Variants in ZNF320 observed in about 807,000 individuals in gnomAD.
ZNF320 encodes the protein zinc finger gene 320.
In ZNF320, 2 loss-of-function variants were observed where a neutral mutation model predicts 6.8. The ratio of observed to expected loss-of-function variants is 0.29; its 90% CI spans 0.12 to 0.93. The LOEUF is 0.93. Ranked by LOEUF, ZNF320 falls within the 40% of genes least tolerant of loss-of-function variation. ZNF320 has a pLI of 0.55. For missense variants in ZNF320, 472 were observed against 611.0 expected (o/e 0.77, Z 2.40); for synonymous variants, 208 against 203.2 (o/e 1.02, Z -0.20).
downstream of ZNF320, among the ~76,000 whole-genome samples, chr19:52,875,822 T>C (rs185181112): frequency 6.6e-6 from 1 of 152,198 alleles, no homozygotes; most frequent in African/African-American, 2.4e-5. Flanking sequence ...TTTATACACC[T>C]GAGCAAATGA....
At chr19:52,874,493 C>A (rs2063732384), downstream of ZNF320, among the ~76,000 whole-genome samples, 1 of 152,270 alleles carries the variant, frequency 6.6e-6, no homozygotes, top group Non-Finnish European at 1.5e-5. Context: ...GGGTTTAAAT[C>A]TATGATAATA....
chr19:52,886,510 C>T (rs941294103), intron 5 of ZNF320, among the ~76,000 whole-genome samples: 1 of 152,150 alleles, frequency 6.6e-6, no homozygotes, highest in African/African-American at 2.4e-5. Context: ...TAACCTCTCC[C>T]CATATATCAA....
downstream of ZNF320, among the ~76,000 whole-genome samples, chr19:52,872,797 A>G (rs540978011): frequency 3.3e-5 from 5 of 152,206 alleles, no homozygotes; most frequent in Admixed American, 2.0e-4. Flanking sequence ...CACCGCGCCC[A>G]GCCTCTCTCA....
downstream of ZNF320, among the ~76,000 whole-genome samples, chr19:52,872,772 A>G (rs1218549773): frequency 2.6e-5 from 4 of 152,224 alleles, no homozygotes; most frequent in East Asian, 7.8e-4. Flanking sequence ...AATTGCTGGG[A>G]TTACAGGCGT....
In ZNF320 at chr19:52,866,047, TA is replaced by T. The variant is rs1568693927; in HGVS notation, c.224-1889del. Among the ~76,000 whole-genome samples the T allele has an allele frequency of 4.2e-5, 5 of 119,612 alleles. 1 individual carries two copies. The highest frequency in any genetic ancestry group is 6.9e-5 in the Non-Finnish European group (4 of 57,590). 78.5% of individuals were successfully genotyped at this position (119,612 alleles called of 152,430 possible). A position where few individuals can be genotyped will look rare whatever the true frequency, so the allele number is the denominator to read the frequency against. On this transcript the variant is annotated intron_variant, in intron 5 of 5. Coordinates refer to the ZNF320 transcript ENST00000673631. Reference sequence around the variant, plus strand: ...ATATTTATATATATGATTATACATATATATGATTATACATATATTTATATAT... The same window carrying T: ...ATATTTATATATATGATTATACATATTATGATTATACATATATTTATATAT...
intron 1 of ZNF320, among the ~76,000 whole-genome samples, chr19:52,896,430 C>T (rs942367598): frequency 9.2e-5 from 14 of 152,086 alleles, no homozygotes; most frequent in South Asian, 2.1e-4. Context: ...AGAAACAAGG[C>T]GGGCATGGTG....
chr19:52,899,651 C>T (rs149866112), upstream of ZNF320, among the ~76,000 whole-genome samples: 1,178 of 152,072 alleles, frequency 7.7e-3, 11 homozygotes, highest in African/African-American at 0.027. Flanking sequence ...TTAGTAGAGA[C>T]GGGGTTTCAC....
At chr19:52,873,933 A>G (rs886996232), downstream of ZNF320, 13 of 407,902 alleles carry the variant, frequency 3.2e-5, no homozygotes, top group African/African-American at 2.8e-4. Context: ...GACTACTACA[A>G]TACCTGGCAT....
At chr19:52,863,820 C>G (rs2063501354) in exon 6 of ZNF320, 1 of 217,446 alleles carries the variant, frequency 4.6e-6, no homozygotes, top group African/African-American at 2.4e-5. Flanking sequence ...GTATGGAGGT[C>G]AGGAGTTCGA....
chr19:52,903,088 CTG>C, the ZNF320 span, among the ~76,000 whole-genome samples: 2,426 of 152,202 alleles, frequency 0.016, 72 homozygotes, highest in African/African-American at 0.056. Flanking sequence ...TGTACATAAA[CTG>C]TTTCTTCAAT....
At chr19:52,884,459 A>G (rs2064014665) in intron 5 of ZNF320, among the ~76,000 whole-genome samples, 1 of 152,130 alleles carries the variant, frequency 6.6e-6, no homozygotes, top group Non-Finnish European at 1.5e-5. Context: ...CTGGGATTAT[A>G]GGCGCAAGTC....
Position 52,881,311 on chromosome 19 carries a change from G to T in ZNF320, c.815C>A (p.Pro272His). 1 of 1,614,098 alleles carries T rather than the reference G, an allele frequency of 6.2e-7. No individual in the cohort carries two copies. Among genetic ancestry groups the T allele is most frequent in the Non-Finnish European group, 8.5e-7 (1 of 1,180,010 alleles). Reference protein sequence around the residue: ...YHHRLHTGEKPYKCNECGKTF... With the variant: ...YHHRLHTGEKHYKCNECGKTF... The stretch of plus-strand genomic sequence containing the variant: ...CTTGCCACACTCATTACATTTGTAA[G>T]GTTTCTCTCCAGTATGCAGTCTATG... Residue 272 changes from proline to histidine, a missense_variant, in exon 6 of 6, where the codon CCT becomes CAT. Pro to His is a moderately conservative substitution (Grantham distance 77). Transcript: ENST00000682928.
At chr19:52,888,082 ATCC>A (rs753566453) in intron 5 of ZNF320, 42 bp downstream of exon 5, 2 of 1,603,236 alleles carry the variant, frequency 1.2e-6, no homozygotes, top group Non-Finnish European at 8.5e-7. Flanking sequence ...AAATACAAAG[ATCC>A]ACAAGGGCAC....
chr19:52,873,003 C>A (rs2063707114), downstream of ZNF320, among the ~76,000 whole-genome samples: 2 of 152,186 alleles, frequency 1.3e-5, no homozygotes, highest in South Asian at 4.1e-4. Flanking sequence ...CATCTCAGTG[C>A]AGTAAAGAGC....
At position 52,876,427 on chromosome 19, in the gene ZNF320, T is replaced by A. The variant is rs897505182; in HGVS notation, c.*4169A>T. The A allele has an allele frequency of 6.6e-6, 1 of 151,300 alleles. No homozygotes were observed. Among genetic ancestry groups the A allele is most frequent in the African/African-American group, 2.5e-5 (1 of 40,722 alleles). The allele number at this position is 151,300 out of a possible 1,614,324, so 9.4% of individuals were successfully genotyped here. On this transcript the variant is annotated 3_prime_UTR_variant, in exon 6 of 6. Transcript: ENST00000682928. Reference sequence around the variant, plus strand: ...GTCAAAGAAGAACATTTTGAACACATACCGTAGTTGCAAAACAATGATGTT... The same window carrying A: ...GTCAAAGAAGAACATTTTGAACACAAACCGTAGTTGCAAAACAATGATGTT...
intron 5 of ZNF320, among the ~76,000 whole-genome samples, chr19:52,870,382 G>A (rs1458623392): frequency 6.6e-6 from 1 of 151,030 alleles, no homozygotes; most frequent in Admixed American, 6.6e-5. Context: ...AGGAGGCTGA[G>A]GCAGGAGAAT....
chr19:52,864,299 T>C (rs1039273999), intron 5 of ZNF320: 3 of 154,716 alleles, frequency 1.9e-5, no homozygotes, highest in Non-Finnish European at 4.3e-5. Flanking sequence ...TTGAACATCT[T>C]TTCTCTATCG....
chr19:52,860,597 CAA>C (rs113315558), downstream of ZNF320, among the ~76,000 whole-genome samples: 27 of 118,726 alleles, frequency 2.3e-4, no homozygotes, highest in South Asian at 2.7e-3. Flanking sequence ...GAAACGGCAT[CAA>C]AAAAAAAAAA....
chr19:52,888,628 TCA>T (rs2064183988), intron 4 of ZNF320, among the ~76,000 whole-genome samples: 2 of 142,922 alleles, frequency 1.4e-5, no homozygotes, highest in Non-Finnish European at 3.0e-5. Flanking sequence ...AGACTCTCTC[TCA>T]AAATAAAATA....
Sources: allele counts gnomAD v4.1 joint callset (sites outside exome capture counted in the v4.1 genomes callset), GRCh38; gene constraint gnomAD v4.1.1; transcripts MANE v1.5; gene names NCBI Gene and HGNC (gene_info 2026-07-23, HGNC 2026-07-21).